The following ARHGAP10 variants were observed in gnomAD, a reference collection of about 807,000 sequenced individuals.
ARHGAP10 encodes the protein rho GTPase-activating protein 10.
A neutral mutation model predicts 108.6 loss-of-function variants in ARHGAP10; 87 were observed. The observed-to-expected ratio is 0.80, with a 90% CI of 0.67 to 0.96. The LOEUF (loss-of-function observed/expected upper bound fraction) is 0.96, where lower values mean the gene tolerates loss of function less well. ARHGAP10 is among the 40% of genes least tolerant of loss of function. The probability of loss-of-function intolerance (pLI) is 0.00; values close to 1 mark genes in which losing one functional copy is unlikely to be tolerated. For missense variants in ARHGAP10, 939 were observed against 954.5 expected (o/e 0.98, Z 0.21); for synonymous variants, 347 against 341.1 (o/e 1.02, Z -0.19).
intron 3 of ARHGAP10, among the ~76,000 whole-genome samples, chr4:147,845,750 G>A (rs1481884988): frequency 6.6e-6 from 1 of 152,164 alleles, no homozygotes; most frequent in Non-Finnish European, 1.5e-5. Context: ...AATGACACAG[G>A]TGCTCATGTA....
chr4:147,917,934 A>T (rs191132411), intron 13 of ARHGAP10, among the ~76,000 whole-genome samples: 1 of 152,212 alleles, frequency 6.6e-6, no homozygotes, highest in Admixed American at 6.5e-5. Flanking sequence ...AAAAAATCAT[A>T]AAACTGTTCA....
At position 147,955,304 on chromosome 4, in the gene ARHGAP10, C is replaced by G. The variant is rs1553965856; in HGVS notation, c.1392-12C>G. The G allele has an allele frequency of 2.5e-6, 4 of 1,606,462 alleles. No individual in the cohort carries two copies. Among genetic ancestry groups the G allele is most frequent in the South Asian group, 2.2e-5 (2 of 89,842 alleles). On this transcript the variant is annotated splice_polypyrimidine_tract_variant and intron_variant, in intron 15 of 22. Coordinates refer to ENST00000336498, the MANE Select transcript of ARHGAP10 (RefSeq NM_024605.4). Reference sequence around the variant, plus strand: ...ATTTATTTGATAATTCTGAGCTGTTCTTTTCACACAGGAGTCTTCCAGAGC... The same window carrying G: ...ATTTATTTGATAATTCTGAGCTGTTGTTTTCACACAGGAGTCTTCCAGAGC...
chr4:147,862,661 A>G (rs973030679), intron 5 of ARHGAP10: 2 of 152,250 alleles, frequency 1.3e-5, no homozygotes, highest in African/African-American at 4.8e-5. Context: ...TCAGAACATT[A>G]AGGGGGTGGT....
intron 10 of ARHGAP10, among the ~76,000 whole-genome samples, chr4:147,900,118 T>C (rs1736176755): frequency 6.6e-6 from 1 of 152,208 alleles, no homozygotes; most frequent in African/African-American, 2.4e-5. Flanking sequence ...GTCTTCTACA[T>C]GGTTTGATAG....
chr4:147,790,970 T>A (rs1731092991), intron 1 of ARHGAP10, among the ~76,000 whole-genome samples: 1 of 152,094 alleles, frequency 6.6e-6, no homozygotes, highest in Non-Finnish European at 1.5e-5. Context: ...ACCACTATTG[T>A]GGATTTGGGA....
intron 1 of ARHGAP10, among the ~76,000 whole-genome samples, chr4:147,812,760 G>T (rs749027636): frequency 9.2e-5 from 14 of 152,168 alleles, no homozygotes; most frequent in Non-Finnish European, 1.9e-4. Flanking sequence ...TTTAGACTGA[G>T]AACTGAACCC....
chr4:147,871,376 A>G (rs527838306), intron 7 of ARHGAP10, among the ~76,000 whole-genome samples: 1 of 152,280 alleles, frequency 6.6e-6, no homozygotes, highest in East Asian at 1.9e-4. Context: ...TTGCCCCCCA[A>G]GTAGGACTAT....
rs1358573214 is a variant in ARHGAP10 at position 147,866,735 on chromosome 4, G to A, written c.621G>A (p.Met207Ile). The A allele has an allele frequency of 5.0e-6, 8 of 1,613,236 alleles. No individual in the cohort carries two copies. The highest frequency in any genetic ancestry group is 1.6e-4 in the Middle Eastern group (1 of 6,082). ...AGATGCTGTCATTTTTTCAGGGGATGTTTACCTTCTATCATCAGGGCCATG... is the reference window on the plus strand; with the variant it reads ...AGATGCTGTCATTTTTTCAGGGGATATTTACCTTCTATCATCAGGGCCATG... The part of the protein sequence containing the change: ...VEPMLSFFQG[M>I]FTFYHQGHEL... The change falls in exon 7 of 23, where the codon ATG (methionine) becomes ATA (isoleucine). Residue 207 changes from methionine to isoleucine, a missense_variant. By Grantham distance (10) the Met-to-Ile change is conservative. Transcript: ENST00000336498.
intron 10 of ARHGAP10, among the ~76,000 whole-genome samples, chr4:147,902,548 C>G (rs558091028): frequency 3.9e-4 from 60 of 152,174 alleles, no homozygotes; most frequent in African/African-American, 1.3e-3. Context: ...TGAGACCAGC[C>G]TGGCCAACAT....
intron 18 of ARHGAP10, among the ~76,000 whole-genome samples, chr4:147,983,321 G>A (rs1217367459): frequency 6.6e-6 from 1 of 151,858 alleles, no homozygotes; most frequent in East Asian, 1.9e-4. Context: ...GAGTAGCTGG[G>A]ACTACAGGCG....
chr4:148,038,695 A>C (rs983961332), intron 19 of ARHGAP10, among the ~76,000 whole-genome samples: 2 of 152,224 alleles, frequency 1.3e-5, no homozygotes, highest in Non-Finnish European at 1.5e-5. Context: ...CCTATTTAAA[A>C]GATAGAAAAT....
At chr4:147,949,065 T>A (rs1179314727) in intron 15 of ARHGAP10, among the ~76,000 whole-genome samples, 1 of 152,186 alleles carries the variant, frequency 6.6e-6, no homozygotes, top group Non-Finnish European at 1.5e-5. Context: ...GTTGTCTGGT[T>A]GTCCCACTTT....
In ARHGAP10 at chr4:147,732,447, C is replaced by A. The variant is rs1341633817; in HGVS notation, c.146C>A (p.Ala49Glu). ...AAGGACGGGAAGAACCTCATCGCTG[C>A]GACGAAAAGTAAGCGGGGACGCGGG... ...LIKDGKNLIA[A>E]TKSLSVAQRK... is the part of the protein sequence containing the mutation. The change falls in exon 1 of 23, where the codon GCG becomes GAG. Residue 49 changes from alanine (A) to glutamate (E), a missense_variant. Ala to Glu is a moderately radical substitution (Grantham distance 107). Coordinates refer to ENST00000336498, the MANE Select transcript of ARHGAP10 (RefSeq NM_024605.4). The A allele has an allele frequency of 1.2e-6, 2 of 1,611,502 alleles. No individual in the cohort carries two copies. The highest frequency in any genetic ancestry group is 1.7e-5 in the Admixed American group (1 of 59,872).
chr4:148,018,413 G>A (rs1237727347), intron 18 of ARHGAP10, among the ~76,000 whole-genome samples: 1 of 152,118 alleles, frequency 6.6e-6, no homozygotes, highest in Non-Finnish European at 1.5e-5. Context: ...AACAAGATAA[G>A]CTACATTTTA....
At chr4:147,807,901 G>T (rs114546049) in intron 1 of ARHGAP10, among the ~76,000 whole-genome samples, 1 of 152,182 alleles carries the variant, frequency 6.6e-6, no homozygotes, top group Non-Finnish European at 1.5e-5. Flanking sequence ...GAAGGTCCTC[G>T]TCCTCCTTTG....
At chr4:147,917,488 G>A (rs1316648622) in intron 13 of ARHGAP10, 1 of 152,214 alleles carries the variant, frequency 6.6e-6, no homozygotes, top group Admixed American at 6.5e-5. Context: ...TGTATATAGA[G>A]GGTCCCTTCC....
chr4:148,071,940 G>A (rs1578851312), intron 22 of ARHGAP10, 53 bp from the exon 23 acceptor site: 1 of 1,508,644 alleles, frequency 6.6e-7, no homozygotes, highest in Non-Finnish European at 9.2e-7. Context: ...GAACACCCAG[G>A]AGGCAAGTAC....
At chr4:147,882,944 A>G (rs989096062) in intron 10 of ARHGAP10, among the ~76,000 whole-genome samples, 1 of 152,180 alleles carries the variant, frequency 6.6e-6, no homozygotes, top group South Asian at 2.1e-4. Flanking sequence ...AGGCTGTTCT[A>G]TGTTTGTATA....
At chr4:147,921,661 G>A (rs1251152125) in intron 13 of ARHGAP10, among the ~76,000 whole-genome samples, 1 of 152,134 alleles carries the variant, frequency 6.6e-6, no homozygotes. Flanking sequence ...TGTGTCAGAA[G>A]CCAAAAGCAG....
Sources: allele counts gnomAD v4.1 joint callset (sites outside exome capture counted in the v4.1 genomes callset), GRCh38; gene constraint gnomAD v4.1.1; transcripts MANE v1.5; gene names NCBI Gene and HGNC (gene_info 2026-07-23, HGNC 2026-07-21).